Variants in DIMT1 observed in about 807,000 individuals in gnomAD.
DIMT1 encodes the protein dimethyladenosine transferase.
DIMT1 carries 36 observed loss-of-function variants against 43.2 expected under a neutral mutation model. The observed-to-expected ratio is 0.83, with a 90% CI of 0.64 to 1.10. DIMT1 has a LOEUF of 1.10. Ranked by LOEUF, DIMT1 falls within the 50% of genes least tolerant of loss-of-function variation. DIMT1 has a pLI of 0.00. For synonymous variants in DIMT1, 126 were observed against 130.3 expected (o/e 0.97, Z 0.22); for missense variants, 341 against 385.3 (o/e 0.88, Z 0.96).
chr5:62,391,296 G>A (rs1454218969), intron 10 of DIMT1: 8 of 234,704 alleles, frequency 3.4e-5, no homozygotes, highest in Non-Finnish European at 1.6e-5. Context: ...TAAAGCAATT[G>A]TTACTCCTTT....
chr5:62,396,304 G>T (rs184040961), intron 6 of DIMT1, among the ~76,000 whole-genome samples: 5 of 151,722 alleles, frequency 3.3e-5, no homozygotes, highest in Admixed American at 1.3e-4. Context: ...GAGCTCAGGA[G>T]GGGGAGACAG....
intron 3 of DIMT1, among the ~76,000 whole-genome samples, chr5:62,401,832 C>T (rs1356533276): frequency 2.0e-5 from 3 of 151,918 alleles, no homozygotes; most frequent in Non-Finnish European, 2.9e-5. Flanking sequence ...CCACCTGCCT[C>T]GGCCTCCCAA....
At chr5:62,397,382 A>G (rs1404799522) in intron 6 of DIMT1, among the ~76,000 whole-genome samples, 1 of 152,194 alleles carries the variant, frequency 6.6e-6, no homozygotes, top group Non-Finnish European at 1.5e-5. Flanking sequence ...CAGTTTTGGC[A>G]TCTATCAAGT....
rs1220549208 is a variant in DIMT1 at position 62,393,990 on chromosome 5, C to T, written c.628G>A (p.Glu210Lys). 3 of 1,611,592 alleles carry T rather than the reference C, an allele frequency of 1.9e-6. No individual in the cohort carries two copies. Among genetic ancestry groups the T allele is most frequent in the Non-Finnish European group, 1.7e-6 (2 of 1,179,328 alleles). Residue 210 changes from glutamate (E) to lysine (K), a missense_variant, in exon 8 of 12, where the codon GAA becomes AAA. Coordinates refer to ENST00000199320, the MANE Select transcript of DIMT1 (RefSeq NM_014473.4). Reference protein sequence around the residue: ...PKVESSVVRIEPKNPPPPINF... With the variant: ...PKVESSVVRIKPKNPPPPINF... Reference sequence around the variant, plus strand: ...ATGGGTGGTGGTGGATTCTTAGGTTCTATCCTTACAACACTGGATTCCACC... The same window carrying T: ...ATGGGTGGTGGTGGATTCTTAGGTTTTATCCTTACAACACTGGATTCCACC...
chr5:62,392,099 T>G, intron 10 of DIMT1, 72 bp downstream of exon 10: 3 of 1,605,364 alleles, frequency 1.9e-6, no homozygotes. Context: ...TCATGCTAGA[T>G]CAACAAGAAT....
At chr5:62,401,580 CTTTT>C (rs1156327743) in intron 3 of DIMT1, among the ~76,000 whole-genome samples, 1 of 104,404 alleles carries the variant, frequency 9.6e-6, no homozygotes, top group Non-Finnish European at 1.9e-5. Flanking sequence ...TCATATTTTC[CTTTT>C]TTTTTTTTTT....
At chr5:62,389,786 G>A (rs1244208003) in intron 11 of DIMT1, among the ~76,000 whole-genome samples, 1 of 152,084 alleles carries the variant, frequency 6.6e-6, no homozygotes, top group Non-Finnish European at 1.5e-5. Flanking sequence ...GTTTCTCTCT[G>A]TAGATACCTA....
rs756237416 is a variant in DIMT1 at position 62,392,223 on chromosome 5, A to G, written c.740T>C (p.Val247Ala). The change falls in exon 10 of 12, where the codon GTG (valine) becomes GCG (alanine). Residue 247 changes from valine to alanine, a missense_variant. Transcript: ENST00000199320. ...GTAGTTTTTTTCCAAGAGTTGTTGC[A>G]CTGCACTTGATCTATAGCATAAAGA... ...TLSAAFKSSA[V>A]QQLLEKNYRI... 3 of 1,613,460 alleles carry G rather than the reference A, an allele frequency of 1.9e-6. No individual in the cohort carries two copies. The highest frequency in any genetic ancestry group is 1.3e-5 in the African/African-American group (1 of 75,050).
rs974436260 is a variant in DIMT1 at position 62,387,596 on chromosome 5, C to CTG, written c.*1412_*1413dup. The CTG allele has an allele frequency of 6.6e-6, 1 of 151,986 alleles. No individual in the cohort carries two copies. Among genetic ancestry groups the CTG allele is most frequent in the African/African-American group, 2.4e-5 (1 of 41,378 alleles). The allele number at this position is 151,986 out of a possible 1,614,324, so 9.4% of individuals were successfully genotyped here. ...CCTTCAGCTTTACAGATAGTGAAAA[C>CTG]TGAAGGCCAGAAAAGGAACTAAAAC... On this transcript the variant is annotated 3_prime_UTR_variant, in exon 12 of 12. Coordinates refer to ENST00000199320, the MANE Select transcript of DIMT1 (RefSeq NM_014473.4).
At chr5:62,391,139 T>A in intron 10 of DIMT1, 157 bp from the exon 11 acceptor site, 1 of 572,832 alleles carries the variant, frequency 1.7e-6, no homozygotes, top group Non-Finnish European at 3.0e-6. Flanking sequence ...CTTGGATCTC[T>A]AATTAAAAGT....
chr5:62,398,424 C>G, intron 6 of DIMT1, 87 bp downstream of exon 6: 1 of 1,337,722 alleles, frequency 7.5e-7, no homozygotes, highest in Non-Finnish European at 1.1e-6. Flanking sequence ...AGTTTTTCAA[C>G]TGACCTGACT....
At chr5:62,400,998 G>A (rs1394070630) in intron 3 of DIMT1, among the ~76,000 whole-genome samples, 9 of 151,664 alleles carry the variant, frequency 5.9e-5, no homozygotes, top group Non-Finnish European at 1.0e-4. Flanking sequence ...CCATCCACCC[G>A]CCTTAGCCTC....
At position 62,388,747 on chromosome 5, in the gene DIMT1, G is replaced by A; in HGVS notation, c.*263C>T. On this transcript the variant is annotated 3_prime_UTR_variant, in exon 12 of 12. Transcript: ENST00000199320. ...CAATAAACTGTTAGAAATGATAAGT[G>A]TAAAGTTGTGCGTCTCTGCGGCTCC... 2.1e-6 allele frequency: 1 copy of A among 479,674 alleles called. No homozygotes were observed. Among genetic ancestry groups the A allele is most frequent in the Non-Finnish European group, 3.7e-6 (1 of 267,434 alleles). The allele number at this position is 479,674 out of a possible 1,614,324, so 29.7% of individuals were successfully genotyped here. A position where few individuals can be genotyped will look rare whatever the true frequency, so the allele number is the denominator to read the frequency against.
rs1014627142 is a variant in DIMT1, at chr5:62,388,752, G to A, written c.*258C>T. On this transcript the variant is annotated 3_prime_UTR_variant, in exon 12 of 12. Transcript: ENST00000199320. Reference sequence around the variant, plus strand: ...AACTGTTAGAAATGATAAGTGTAAAGTTGTGCGTCTCTGCGGCTCCTGAAC... The same window carrying A: ...AACTGTTAGAAATGATAAGTGTAAAATTGTGCGTCTCTGCGGCTCCTGAAC... 2 of 491,064 alleles carry A rather than the reference G, an allele frequency of 4.1e-6. No homozygotes were observed. Among genetic ancestry groups the A allele is most frequent in the African/African-American group, 3.9e-5 (2 of 51,062 alleles). 30.4% of individuals were successfully genotyped at this position (491,064 alleles called of 1,614,324 possible).
intron 8 of DIMT1, 87 bp from the exon 9 acceptor site, chr5:62,393,077 A>G (rs910647744): frequency 2.5e-6 from 2 of 807,932 alleles, no homozygotes; most frequent in African/African-American, 1.8e-5. Context: ...CTTTTAATAT[A>G]TACAATTGAA....
intron 6 of DIMT1, among the ~76,000 whole-genome samples, chr5:62,396,590 T>C (rs1742505398): frequency 6.6e-6 from 1 of 152,078 alleles, no homozygotes. Context: ...CTCGAAAAAT[T>C]GCCCTCGTCT....
Position 62,387,584 on chromosome 5 carries a change from A to AGAT in DIMT1, c.*1423_*1425dup, listed in dbSNP as rs936303592. 2 of 151,992 alleles carry AGAT rather than the reference A, an allele frequency of 1.3e-5. No individual in the cohort carries two copies. Among genetic ancestry groups the AGAT allele is most frequent in the Non-Finnish European group, 2.9e-5 (2 of 68,020 alleles). 9.4% of individuals were successfully genotyped at this position (151,992 alleles called of 1,614,324 possible). On this transcript the variant is annotated 3_prime_UTR_variant, in exon 12 of 12. Coordinates refer to ENST00000199320, the MANE Select transcript of DIMT1 (RefSeq NM_014473.4). ...ATATAATACAGTCCTTCAGCTTTAC[A>AGAT]GATAGTGAAAACTGAAGGCCAGAAA...
chr5:62,395,782 T>A (rs917213646), intron 6 of DIMT1, among the ~76,000 whole-genome samples: 7 of 152,058 alleles, frequency 4.6e-5, no homozygotes, highest in African/African-American at 1.7e-4. Flanking sequence ...GGCGGACAGA[T>A]CGCTTGAGCT....
rs1008506359 is a variant in DIMT1 at position 62,390,866 on chromosome 5, A to C, written c.899+10T>G. On this transcript the variant is annotated intron_variant, in intron 11 of 11. Coordinates refer to ENST00000199320, the MANE Select transcript of DIMT1 (RefSeq NM_014473.4). ...AATGTAAACACTTAGGAAAACAAAA[A>C]TGTAATTACCTGATGAAGTCATCTA... The C allele has an allele frequency of 6.2e-7, 1 of 1,608,432 alleles. No homozygotes were observed.
Sources: allele counts gnomAD v4.1 joint callset (sites outside exome capture counted in the v4.1 genomes callset), GRCh38; gene constraint gnomAD v4.1.1; transcripts MANE v1.5; gene names NCBI Gene and HGNC (gene_info 2026-07-23, HGNC 2026-07-21).